MYCT1: variants seen among roughly 807,000 people sequenced by gnomAD.
MYCT1 encodes myc target protein 1.
MYCT1 carries 12 observed loss-of-function variants against 15.0 expected under a neutral mutation model. The observed-to-expected ratio is 0.80, with a 90% CI of 0.51 to 1.29. The LOEUF is 1.29. Ranked by LOEUF, MYCT1 falls within the 50% of genes most tolerant of loss-of-function variation. The pLI is 0.00. For synonymous variants in MYCT1, 104 were observed against 102.7 expected (o/e 1.01, Z -0.07); for missense variants, 287 against 279.1 (o/e 1.03, Z -0.20).
chr6:152,719,462 C>T (rs569071945), intron 1 of MYCT1, among the ~76,000 whole-genome samples: 38 of 152,280 alleles, frequency 2.5e-4, no homozygotes, highest in Non-Finnish European at 4.3e-4. Flanking sequence ...TGTTACTTAC[C>T]TCTCAGTAGC....
At chr6:152,700,453 C>A (rs1021555589) in intron 1 of MYCT1, among the ~76,000 whole-genome samples, 3 of 152,042 alleles carry the variant, frequency 2.0e-5, no homozygotes, top group East Asian at 1.9e-4. Flanking sequence ...CTTTAATGAG[C>A]GCTAAATGAT....
At chr6:152,727,329 A>G (rs1049667297), downstream of MYCT1, among the ~76,000 whole-genome samples, 20 of 152,180 alleles carry the variant, frequency 1.3e-4, no homozygotes, top group African/African-American at 4.6e-4. Flanking sequence ...ATATTTGTCC[A>G]GGGCCTCACA....
chr6:152,720,172 G>A (rs993043032), intron 1 of MYCT1, among the ~76,000 whole-genome samples: 2 of 151,152 alleles, frequency 1.3e-5, no homozygotes, highest in African/African-American at 4.9e-5. Flanking sequence ...AGGGCAGTAG[G>A]GGTTCCTGGG....
At chr6:152,716,605 G>A (rs746735030) in intron 1 of MYCT1, among the ~76,000 whole-genome samples, 7 of 152,118 alleles carry the variant, frequency 4.6e-5, no homozygotes, top group Non-Finnish European at 1.0e-4. Context: ...ATTAAAATTG[G>A]AAGACACGAA....
chr6:152,744,678 C>A, the MYCT1 span, among the ~76,000 whole-genome samples: 6 of 152,326 alleles, frequency 3.9e-5, no homozygotes, highest in South Asian at 4.1e-4. Context: ...AACTCTCTTT[C>A]CCTCCTCTTT....
chr6:152,713,807 C>T (rs1273530276), intron 1 of MYCT1, among the ~76,000 whole-genome samples: 1 of 152,044 alleles, frequency 6.6e-6, no homozygotes. Context: ...AATCTCTGTC[C>T]TTTGTTTCTC....
chr6:152,727,950 G>A (rs150849958), downstream of MYCT1, among the ~76,000 whole-genome samples: 677 of 152,146 alleles, frequency 4.4e-3, 19 homozygotes, highest in Admixed American at 0.027. Flanking sequence ...GATCACTTGA[G>A]GTCAGGAATT....
the MYCT1 span, among the ~76,000 whole-genome samples, chr6:152,746,648 T>C: frequency 6.6e-6 from 1 of 152,238 alleles, no homozygotes; most frequent in Admixed American, 6.5e-5. Context: ...TTAAAATCTT[T>C]AATACTCTAT....
downstream of MYCT1, among the ~76,000 whole-genome samples, chr6:152,724,994 C>T (rs6918492): frequency 0.064 from 9,736 of 151,410 alleles, 496 homozygotes; most frequent in East Asian, 0.17. Context: ...TAAATAATGG[C>T]TATCTAAAAA....
downstream of MYCT1, among the ~76,000 whole-genome samples, chr6:152,728,862 T>C (rs183001923): frequency 6.6e-6 from 1 of 152,320 alleles, no homozygotes; most frequent in African/African-American, 2.4e-5. Context: ...GCTGTGATCG[T>C]GCCACTGTAC....
intron 1 of MYCT1, among the ~76,000 whole-genome samples, chr6:152,705,126 T>G (rs189436172): frequency 3.3e-5 from 5 of 152,238 alleles, no homozygotes; most frequent in Non-Finnish European, 7.3e-5. Flanking sequence ...TGGGGTTATA[T>G]CCAGACAAAC....
intron 1 of MYCT1, among the ~76,000 whole-genome samples, chr6:152,699,980 G>A (rs1482374346): frequency 1.3e-5 from 2 of 151,730 alleles, no homozygotes; most frequent in Non-Finnish European, 3.0e-5. Context: ...AACCAGAAAG[G>A]GGAGTGTTAC....
the MYCT1 span, among the ~76,000 whole-genome samples, chr6:152,731,556 T>G: frequency 2.0e-5 from 3 of 152,142 alleles, no homozygotes; most frequent in African/African-American, 7.2e-5. Flanking sequence ...GTGTGTGGTG[T>G]TCCTCACCCT....
rs1381413364 is a variant in MYCT1 at position 152,723,946 on chromosome 6, T to C, written c.*1693T>C. 1 of 151,920 alleles carries C rather than the reference T, an allele frequency of 6.6e-6. No homozygotes were observed. Among genetic ancestry groups the C allele is most frequent in the Admixed American group, 6.6e-5 (1 of 15,254 alleles). 9.4% of individuals were successfully genotyped at this position (151,920 alleles called of 1,614,324 possible). On this transcript the variant is annotated 3_prime_UTR_variant, in exon 2 of 2. Transcript: ENST00000367245. ...GGTCACAGCTAATAGTGTCTGAACA[T>C]GGTTCAAGAATAAGAGATTCCATGT... is the stretch of plus-strand genomic sequence containing the variant.
At chr6:152,745,475 A>C in the MYCT1 span, among the ~76,000 whole-genome samples, 1 of 152,156 alleles carries the variant, frequency 6.6e-6, no homozygotes, top group Non-Finnish European at 1.5e-5. Context: ...GGGGAAAAAA[A>C]GTTTAACTTG....
At chr6:152,731,301 A>C in the MYCT1 span, among the ~76,000 whole-genome samples, 2 of 152,096 alleles carry the variant, frequency 1.3e-5, no homozygotes, top group Non-Finnish European at 2.9e-5. Flanking sequence ...GTTTAATTAA[A>C]TTTTTATTTA....
chr6:152,713,334 T>C (rs2099723076), intron 1 of MYCT1, among the ~76,000 whole-genome samples: 1 of 152,140 alleles, frequency 6.6e-6, no homozygotes, highest in Non-Finnish European at 1.5e-5. Context: ...AATATGGACA[T>C]ATGAGTTGCT....
At chr6:152,718,203 C>G (rs1033340527) in intron 1 of MYCT1, among the ~76,000 whole-genome samples, 4 of 151,948 alleles carry the variant, frequency 2.6e-5, no homozygotes, top group Non-Finnish European at 4.4e-5. Context: ...CTTTTTAGTT[C>G]CCAAACTGAA....
intron 1 of MYCT1, among the ~76,000 whole-genome samples, chr6:152,704,595 T>A (rs576530308): frequency 2.6e-5 from 4 of 152,292 alleles, no homozygotes; most frequent in African/African-American, 9.6e-5. Context: ...ATTATTTCTT[T>A]GTGCAAGAAC....
Sources: gnomAD v4.1 joint callset for allele counts (sites outside exome capture counted in the v4.1 genomes callset) on GRCh38, gnomAD v4.1.1 for gene constraint, MANE v1.5 for transcripts, NCBI Gene and HGNC (gene_info 2026-07-23, HGNC 2026-07-21) for gene names.